The following CSN3 variants were observed in gnomAD, a reference collection of about 807,000 sequenced individuals.
CSN3 encodes the protein casein kappa.
Under a neutral mutation model 9.9 loss-of-function variants are expected in CSN3, and 7 were observed. That is an observed-to-expected ratio of 0.71 (90% CI 0.40 to 1.33). The LOEUF is 1.33. CSN3 is among the 40% of genes most tolerant of loss of function. The pLI is 0.01. For missense variants in CSN3, 253 were observed against 227.9 expected, an observed-to-expected ratio of 1.11 and a Z score of -0.71; for synonymous variants, 88 against 82.3, an observed-to-expected ratio of 1.07 and a Z score of -0.37.
chr4:70,244,340 T>G (rs960300874), intron 1 of CSN3, among the ~76,000 whole-genome samples: 2 of 152,068 alleles, frequency 1.3e-5, no homozygotes, highest in Non-Finnish European at 2.9e-5. Flanking sequence ...CTTGAAATAT[T>G]TCTCTCCCTG....
At chr4:70,244,453 G>T (rs1278731111) in intron 1 of CSN3, among the ~76,000 whole-genome samples, 1 of 151,894 alleles carries the variant, frequency 6.6e-6, no homozygotes, top group African/African-American at 2.4e-5. Context: ...CCACTTTTGT[G>T]GCATTTTCTA....
chr4:70,244,177 T>C (rs1730326777), intron 1 of CSN3, among the ~76,000 whole-genome samples: 1 of 152,094 alleles, frequency 6.6e-6, no homozygotes, highest in Non-Finnish European at 1.5e-5. Context: ...TTGTTTTCTG[T>C]TGTTTATAAA....
exon 4 of CSN3, chr4:70,249,041 C>T: frequency 6.2e-7 from 1 of 1,611,732 alleles, no homozygotes; most frequent in Non-Finnish European, 8.5e-7. Context: ...AAAACAGCTC[C>T]ATATGTCCCA....
chr4:70,243,940 C>T (rs950918361), intron 1 of CSN3, among the ~76,000 whole-genome samples: 2 of 152,008 alleles, frequency 1.3e-5, no homozygotes, highest in African/African-American at 4.8e-5. Flanking sequence ...AGTCTCATAA[C>T]CCTCCACTTC....
In CSN3 at chr4:70,248,987, T is replaced by C; in HGVS notation, c.88-11T>C. The C allele has an allele frequency of 6.5e-7, 1 of 1,542,690 alleles. No individual in the cohort carries two copies. Among genetic ancestry groups the C allele is most frequent in the Non-Finnish European group, 8.7e-7 (1 of 1,145,202 alleles). On this transcript the variant is annotated splice_polypyrimidine_tract_variant and intron_variant, in intron 3 of 4. Coordinates refer to ENST00000304954, the Ensembl canonical transcript of CSN3. ...AATAATAATATTCTGTATAATTTAT[T>C]TTTTTTGCAGTGCCATGAGAATGAT...
chr4:70,243,225 C>T (rs1180067978), intron 1 of CSN3: 5 of 898,144 alleles, frequency 5.6e-6, no homozygotes, highest in Non-Finnish European at 6.7e-6. Context: ...TTTGTTTGTG[C>T]CAAAAGGAAA....
intron 2 of CSN3, among the ~76,000 whole-genome samples, chr4:70,247,010 A>G (rs953533143): frequency 1.3e-5 from 2 of 152,132 alleles, no homozygotes; most frequent in Non-Finnish European, 2.9e-5. Flanking sequence ...GATTTAATAT[A>G]TTTAAAGAAA....
At chr4:70,250,500 T>C (rs1027209261) in intron 4 of CSN3, among the ~76,000 whole-genome samples, 8 of 152,188 alleles carry the variant, frequency 5.3e-5, no homozygotes, top group African/African-American at 1.7e-4. Flanking sequence ...AGAATGCACA[T>C]GGGAAAGGAT....
At chr4:70,245,412 CA>C (rs1730358314) in intron 2 of CSN3, among the ~76,000 whole-genome samples, 1 of 152,114 alleles carries the variant, frequency 6.6e-6, no homozygotes. Context: ...CCCATTATGT[CA>C]ATTGACTGAC....
intron 1 of CSN3, among the ~76,000 whole-genome samples, chr4:70,243,001 A>G (rs1386468679): frequency 6.6e-6 from 1 of 152,130 alleles, no homozygotes; most frequent in Admixed American, 6.6e-5. Flanking sequence ...TCATGATAAT[A>G]ATCGCAATTA....
intron 3 of CSN3, among the ~76,000 whole-genome samples, chr4:70,248,263 A>G (rs1317736766): frequency 1.3e-5 from 2 of 152,088 alleles, no homozygotes; most frequent in Non-Finnish European, 2.9e-5. Flanking sequence ...TTTCCCAAAT[A>G]TGTTTGAATA....
At chr4:70,250,671 T>G (rs1730465689) in intron 4 of CSN3, among the ~76,000 whole-genome samples, 1 of 152,214 alleles carries the variant, frequency 6.6e-6, no homozygotes, top group South Asian at 2.1e-4. Context: ...CTATCTCAAA[T>G]TTAGGGATAA....
chr4:70,243,774 G>A (rs1304715970), intron 1 of CSN3, among the ~76,000 whole-genome samples: 1 of 151,974 alleles, frequency 6.6e-6, no homozygotes, highest in East Asian at 1.9e-4. Flanking sequence ...AAGCAAGTAT[G>A]ACACTGTATA....
chr4:70,245,711 ATATT>A (rs1730364600), intron 2 of CSN3, among the ~76,000 whole-genome samples: 1 of 152,122 alleles, frequency 6.6e-6, no homozygotes, highest in Non-Finnish European at 1.5e-5. Flanking sequence ...AATCTCTGTA[ATATT>A]TATTTATTAT....
upstream of CSN3, among the ~76,000 whole-genome samples, chr4:70,241,555 C>T (rs1011177529): frequency 6.6e-6 from 1 of 152,010 alleles, no homozygotes; most frequent in African/African-American, 2.4e-5. Flanking sequence ...TCACAGTTAA[C>T]ATTATTTCTT....
intron 2 of CSN3, 48 bp from the exon 3 acceptor site, chr4:70,247,770 T>C: frequency 6.7e-7 from 1 of 1,497,188 alleles, no homozygotes; most frequent in Non-Finnish European, 9.1e-7. Flanking sequence ...TACTTTTTTT[T>C]TCTTTTTTAA....
At chr4:70,244,952 A>G in intron 2 of CSN3, 79 bp downstream of exon 2, 1 of 732,152 alleles carries the variant, frequency 1.4e-6, no homozygotes, top group Non-Finnish European at 2.2e-6. Flanking sequence ...CAAACTTCTA[A>G]ATACAATTAT....
At chr4:70,248,606 G>A (rs559217611) in intron 3 of CSN3, among the ~76,000 whole-genome samples, 31 of 152,162 alleles carry the variant, frequency 2.0e-4, no homozygotes, top group Admixed American at 1.7e-3. Context: ...GCCATTCTGT[G>A]TGTGTCTGCA....
chr4:70,243,135 C>A (rs886995060), intron 1 of CSN3: 3 of 908,446 alleles, frequency 3.3e-6, no homozygotes, highest in African/African-American at 1.8e-5. Flanking sequence ...TACCATTTCA[C>A]GAATTATTTC....
Sources: gnomAD v4.1 joint callset for allele counts (sites outside exome capture counted in the v4.1 genomes callset) on GRCh38, gnomAD v4.1.1 for gene constraint, MANE v1.5 for transcripts, NCBI Gene and HGNC (gene_info 2026-07-23, HGNC 2026-07-21) for gene names.